Variants in SYT16 observed in about 807,000 individuals in gnomAD.
SYT16 encodes synaptotagmin 16, also known as synaptotagmin-16.
A neutral mutation model predicts 61.4 loss-of-function variants in SYT16; 42 were observed. That is an observed-to-expected ratio of 0.68 (90% CI 0.53 to 0.89). SYT16 has a LOEUF of 0.89. Ranked by LOEUF, SYT16 falls within the 40% of genes least tolerant of loss-of-function variation. The pLI, the probability that SYT16 is intolerant of heterozygous loss-of-function variation, is 0.00. For synonymous variants in SYT16, 314 were observed against 302.3 expected (o/e 1.04, Z -0.40); for missense variants, 804 against 807.3 (o/e 1.00, Z 0.05).
intron 3 of SYT16, among the ~76,000 whole-genome samples, chr14:62,025,146 C>T (rs543553793): frequency 4.3e-4 from 65 of 152,178 alleles, no homozygotes; most frequent in African/African-American, 1.6e-3. Flanking sequence ...TGGACAAATA[C>T]ACAATTGTTG....
chr14:62,088,503 A>G (rs951105565), intron 7 of SYT16, among the ~76,000 whole-genome samples: 1 of 152,210 alleles, frequency 6.6e-6, no homozygotes, highest in African/African-American at 2.4e-5. Context: ...GTATTTTGTT[A>G]TTCTTTAAAA....
intron 1 of SYT16, among the ~76,000 whole-genome samples, chr14:61,851,563 C>T (rs2046621778): frequency 6.6e-6 from 1 of 152,190 alleles, no homozygotes; most frequent in South Asian, 2.1e-4. Context: ...CACAACCTTG[C>T]CAGCACCTGT....
At chr14:62,058,245 A>C (rs922056674) in intron 3 of SYT16, among the ~76,000 whole-genome samples, 2 of 151,970 alleles carry the variant, frequency 1.3e-5, no homozygotes, top group Non-Finnish European at 2.9e-5. Flanking sequence ...AACATTTGTA[A>C]GTCTTTGTGT....
At chr14:61,820,866 A>G (rs893979887) in intron 1 of SYT16, among the ~76,000 whole-genome samples, 1 of 152,188 alleles carries the variant, frequency 6.6e-6, no homozygotes, top group African/African-American at 2.4e-5. Flanking sequence ...AGTAATACTC[A>G]TACATAAATG....
chr14:61,834,637 A>G (rs1268672300), intron 1 of SYT16, among the ~76,000 whole-genome samples: 1 of 151,776 alleles, frequency 6.6e-6, no homozygotes, highest in Non-Finnish European at 1.5e-5. Flanking sequence ...GGGTTTCACC[A>G]TGTTGGCCAG....
At chr14:61,878,563 C>T (rs186186454) in intron 1 of SYT16, among the ~76,000 whole-genome samples, 1 of 152,342 alleles carries the variant, frequency 6.6e-6, no homozygotes, top group East Asian at 1.9e-4. Flanking sequence ...ACATCTCTCA[C>T]ACTGGCTTGC....
chr14:61,990,781 A>G (rs1230601102), intron 2 of SYT16, among the ~76,000 whole-genome samples: 1 of 152,166 alleles, frequency 6.6e-6, no homozygotes, highest in Non-Finnish European at 1.5e-5. Context: ...CAACCCTTAA[A>G]GGACTATGAG....
chr14:61,883,082 T>A (rs1320544813), intron 1 of SYT16, among the ~76,000 whole-genome samples: 1 of 152,196 alleles, frequency 6.6e-6, no homozygotes, highest in African/African-American at 2.4e-5. Flanking sequence ...AGGGGAGCAC[T>A]GGGACAGGCC....
intron 1 of SYT16, among the ~76,000 whole-genome samples, chr14:61,919,991 T>C (rs1314039643): frequency 6.6e-6 from 1 of 152,196 alleles, no homozygotes; most frequent in Non-Finnish European, 1.5e-5. Context: ...AGTTTTCATC[T>C]CCCCACTGCC....
chr14:61,841,431 A>G (rs2140252842), intron 1 of SYT16, among the ~76,000 whole-genome samples: 1 of 152,370 alleles, frequency 6.6e-6, no homozygotes, highest in South Asian at 2.1e-4. Flanking sequence ...TGTAATTAGA[A>G]GCAATGGAGG....
chr14:62,105,200 T>G lies in SYT16; in HGVS notation c.*4493T>G, dbSNP rs2057492831. 6.6e-6 allele frequency: 1 copy of G among 152,166 alleles called. No individual in the cohort carries two copies. Among genetic ancestry groups the G allele is most frequent in the Non-Finnish European group, 1.5e-5 (1 of 68,030 alleles). The allele number at this position is 152,166 out of a possible 1,614,324, so 9.4% of individuals were successfully genotyped here. A position where few individuals can be genotyped will look rare whatever the true frequency, so the allele number is the denominator to read the frequency against. On this transcript the variant is annotated 3_prime_UTR_variant, in exon 8 of 8. Transcript: ENST00000683842. ...TTAGTTTGGAGGGAGTACAAATCCT[T>G]GATGGTTTGTGTGTACCTCTTGATC...
At chr14:61,872,492 A>G (rs571355759) in intron 1 of SYT16, among the ~76,000 whole-genome samples, 1 of 152,170 alleles carries the variant, frequency 6.6e-6, no homozygotes, top group Non-Finnish European at 1.5e-5. Flanking sequence ...CAATTTGAAG[A>G]TAAGTCTTGA....
In SYT16 at chr14:61,834,551, C is replaced by T. The variant is rs1473560243; in HGVS notation, c.-325+21741C>T. Among the ~76,000 whole-genome samples the T allele has an allele frequency of 3.4e-5, 5 of 148,818 alleles. No homozygotes were observed. In the Admixed American group the frequency reaches 3.4e-4, roughly 10 times the overall value. On this transcript the variant is annotated intron_variant, in intron 1 of 7. Transcript: ENST00000683842. ...CTCCCGGGTTTAAGTGATTCTTCTG[C>T]CCCAGCCTCCCAAGTAGCTGGGATT... is the stretch of plus-strand genomic sequence containing the variant.
chr14:61,933,060 G>C (rs1307490955), intron 1 of SYT16, among the ~76,000 whole-genome samples: 1 of 152,206 alleles, frequency 6.6e-6, no homozygotes, highest in African/African-American at 2.4e-5. Flanking sequence ...TGACAGGTGA[G>C]TTTGGGAAAG....
At chr14:61,969,010 A>T (rs1174805724) in intron 1 of SYT16, among the ~76,000 whole-genome samples, 1 of 152,158 alleles carries the variant, frequency 6.6e-6, no homozygotes, top group African/African-American at 2.4e-5. Flanking sequence ...GTAAGGCAGT[A>T]TCATTTATTT....
At chr14:62,006,998 T>G (rs1198167580) in intron 3 of SYT16, among the ~76,000 whole-genome samples, 1 of 152,180 alleles carries the variant, frequency 6.6e-6, no homozygotes, top group Non-Finnish European at 1.5e-5. Flanking sequence ...GATATTTGAC[T>G]TTTCAACCAG....
intron 1 of SYT16, among the ~76,000 whole-genome samples, chr14:61,932,148 A>G (rs1302555672): frequency 6.6e-6 from 1 of 152,184 alleles, no homozygotes; most frequent in East Asian, 1.9e-4. Context: ...CAGCTCCTTC[A>G]TAACCGAGAT....
chr14:62,093,042 T>G (rs1052752434), intron 7 of SYT16, among the ~76,000 whole-genome samples: 2 of 152,042 alleles, frequency 1.3e-5, no homozygotes, highest in Non-Finnish European at 2.9e-5. Context: ...AATGAAGAGA[T>G]TAGCAGGCTG....
chr14:62,042,729 C>T (rs1323920939), intron 3 of SYT16, among the ~76,000 whole-genome samples: 1 of 152,190 alleles, frequency 6.6e-6, no homozygotes, highest in African/African-American at 2.4e-5. Flanking sequence ...TGGCAGGTTT[C>T]CTCTTTAATA....
Sources: gnomAD v4.1 joint callset for allele counts (sites outside exome capture counted in the v4.1 genomes callset) on GRCh38, gnomAD v4.1.1 for gene constraint, MANE v1.5 for transcripts, NCBI Gene and HGNC (gene_info 2026-07-23, HGNC 2026-07-21) for gene names.